PSPC1: variants seen among roughly 807,000 people sequenced by gnomAD.
The protein encoded by PSPC1 is paraspeckle protein 1.
A neutral mutation model predicts 51.6 loss-of-function variants in PSPC1; 14 were observed. The ratio of observed to expected loss-of-function variants is 0.27; its 90% CI spans 0.18 to 0.42. The LOEUF (loss-of-function observed/expected upper bound fraction) is 0.42, where lower values mean the gene tolerates loss of function less well. Ranked by LOEUF, PSPC1 falls within the 10% of genes least tolerant of loss-of-function variation. PSPC1 has a pLI of 1.00. For missense variants in PSPC1, 406 were observed against 701.1 expected (o/e 0.58, Z 4.75); for synonymous variants, 193 against 231.9 (o/e 0.83, Z 1.53).
intron 6 of PSPC1, among the ~76,000 whole-genome samples, chr13:19,687,551 G>C (rs191101275): frequency 6.6e-6 from 1 of 152,270 alleles, no homozygotes; most frequent in East Asian, 1.9e-4. Flanking sequence ...CCACTTTCTA[G>C]ATGGCACAGG....
downstream of PSPC1, among the ~76,000 whole-genome samples, chr13:19,673,889 C>T (rs1800687074): frequency 6.6e-6 from 1 of 152,214 alleles, no homozygotes; most frequent in African/African-American, 2.4e-5. Flanking sequence ...AGGCCCAGGG[C>T]AATGTTGTGT....
Position 19,759,424 on chromosome 13 carries a change from T to C in PSPC1, c.675-6A>G, listed in dbSNP as rs1566037586. The stretch of plus-strand genomic sequence containing the variant: ...CAATGACTGGACGAGGGGTCCTGGA[T>C]AGGTATAAAAGCATTCATAAAAATT... On this transcript the variant is annotated splice_polypyrimidine_tract_variant and splice_region_variant and intron_variant, in intron 2 of 8. Transcript: ENST00000338910. 1 of 1,609,350 alleles carries C rather than the reference T, an allele frequency of 6.2e-7. No homozygotes were observed. The highest frequency in any genetic ancestry group is 8.5e-7 in the Non-Finnish European group (1 of 1,175,956).
intron 1 of PSPC1, among the ~76,000 whole-genome samples, chr13:19,778,416 C>G (rs1889448489): frequency 8.3e-6 from 1 of 119,772 alleles, no homozygotes; most frequent in Non-Finnish European, 1.7e-5. Context: ...TCCCCACGGT[C>G]TCCCTCTCAT....
intron 6 of PSPC1, among the ~76,000 whole-genome samples, chr13:19,692,319 C>T (rs940006173): frequency 6.6e-6 from 1 of 152,176 alleles, no homozygotes; most frequent in African/African-American, 2.4e-5. Flanking sequence ...GTTTTGCCAT[C>T]TTGCCCAGGC....
intron 6 of PSPC1, among the ~76,000 whole-genome samples, chr13:19,714,717 A>ACTCCTGAG (rs1408143075): frequency 1.4e-4 from 21 of 151,230 alleles, no homozygotes; most frequent in African/African-American, 5.1e-4. Context: ...ATGGTCTTGA[A>ACTCCTGAG]CTCCTGAGCT....
At chr13:19,706,146 C>T (rs1309785871) in intron 7 of PSPC1, among the ~76,000 whole-genome samples, 1 of 152,072 alleles carries the variant, frequency 6.6e-6, no homozygotes, top group Non-Finnish European at 1.5e-5. Flanking sequence ...ACCAAAGAAT[C>T]CCTAACAATG....
chr13:19,687,897 A>G (rs532173635), intron 6 of PSPC1, among the ~76,000 whole-genome samples: 49 of 152,028 alleles, frequency 3.2e-4, no homozygotes, highest in Admixed American at 9.2e-4. Flanking sequence ...TTATCACAGA[A>G]TAAGATTTTA....
intron 6 of PSPC1, among the ~76,000 whole-genome samples, chr13:19,718,386 T>C (rs1593610304): frequency 2.0e-5 from 3 of 152,158 alleles, no homozygotes; most frequent in Non-Finnish European, 4.4e-5. Flanking sequence ...ATGCCATTGA[T>C]AGAATTGCAA....
At position 19,745,083 on chromosome 13, in the gene PSPC1, T is replaced by C. The variant is rs188392372; in HGVS notation, c.968-3434A>G. 4.6e-3 allele frequency among the ~76,000 whole-genome samples: 698 copies of C among 152,234 alleles called. 5 individuals carry two copies. The highest frequency in any genetic ancestry group is 0.027 in the South Asian group (129 of 4,824). On this transcript the variant is annotated intron_variant, in intron 4 of 8. Transcript: ENST00000338910. Reference sequence around the variant, plus strand: ...AAGTAATCCCAGCACTTTGGGAGGCTGAGGCGGGTGGATCACTTGAGGTCA... The same window carrying C: ...AAGTAATCCCAGCACTTTGGGAGGCCGAGGCGGGTGGATCACTTGAGGTCA...
chr13:19,708,415 C>A (rs1337633202), intron 7 of PSPC1, among the ~76,000 whole-genome samples: 1 of 152,170 alleles, frequency 6.6e-6, no homozygotes, highest in Non-Finnish European at 1.5e-5. Context: ...TGTGGGACAG[C>A]TTTTGTGGGA....
At chr13:19,694,122 CAAAAAAAAAAAAAAAA>C (rs71092389) in intron 6 of PSPC1, among the ~76,000 whole-genome samples, 1 of 47,466 alleles carries the variant, frequency 2.1e-5, no homozygotes, top group African/African-American at 8.6e-5. Context: ...GACTCCATCT[CAAAAAAAAAAAAAAAA>C]AAAAAAAAAA....
At chr13:19,762,555 G>A (rs970081584) in intron 2 of PSPC1, among the ~76,000 whole-genome samples, 4 of 105,034 alleles carry the variant, frequency 3.8e-5, no homozygotes, top group Admixed American at 1.1e-4. Context: ...ACGAGACTCC[G>A]TCTCAGAAAA....
rs2138422608 is a variant in PSPC1, at chr13:19,782,531, T to C, written c.227A>G (p.Lys76Arg). ...DIKSFLKPGE[K>R]TYTQRCRLFV... ...GAGGCGGCAGCGCTGCGTGTACGTC[T>C]TCTCGCCCGGCTTGAGGAAACTCTT... Residue 76 changes from lysine to arginine, a missense_variant, in exon 1 of 9, where the codon AAG (lysine) becomes AGG (arginine). This residue lies in a region of PSPC1 where 3 missense variants were observed against 19.1 expected (regional missense o/e 0.16). Transcript: ENST00000338910. This position sits in a 1 kb window ranked among gnomAD's most constrained non-coding sequence, Gnocchi z 4.5. 6.2e-7 allele frequency: 1 copy of C among 1,613,218 alleles called. No homozygotes were observed. The highest frequency in any genetic ancestry group is 1.1e-5 in the South Asian group (1 of 90,942).
chr13:19,730,961 A>AAAAAAC (rs1441202332), intron 5 of PSPC1, among the ~76,000 whole-genome samples: 1,635 of 23,448 alleles, frequency 0.07, 43 homozygotes, highest in Non-Finnish European at 0.17. Context: ...AAAAAACAAA[A>AAAAAAC]AAACAAAAAA....
At chr13:19,764,452 G>A (rs558966167) in intron 2 of PSPC1, among the ~76,000 whole-genome samples, 4 of 151,968 alleles carry the variant, frequency 2.6e-5, no homozygotes, top group African/African-American at 7.2e-5. Flanking sequence ...ATTTGTGACT[G>A]ATCTTTCCTC....
intron 6 of PSPC1, among the ~76,000 whole-genome samples, chr13:19,711,276 T>C (rs1388134030): frequency 6.6e-6 from 1 of 152,088 alleles, no homozygotes; most frequent in Non-Finnish European, 1.5e-5. Context: ...TCCCAACACT[T>C]TGGGAGGCTG....
chr13:19,755,288 A>G (rs917856018), intron 3 of PSPC1, among the ~76,000 whole-genome samples: 1 of 152,022 alleles, frequency 6.6e-6, no homozygotes, highest in Non-Finnish European at 1.5e-5. Flanking sequence ...TGCAAAGGAA[A>G]TAAGAATAGA....
downstream of PSPC1, chr13:19,671,707 A>T: frequency 1.3e-6 from 1 of 786,622 alleles, no homozygotes; most frequent in South Asian, 1.6e-5. Context: ...CTAACAATGT[A>T]AATTGATAAG....
downstream of PSPC1, chr13:19,672,027 G>A (rs1192369302): frequency 5.6e-6 from 4 of 718,178 alleles, no homozygotes; most frequent in African/African-American, 3.5e-5. Context: ...TGTAAGATGC[G>A]ACATAGCTGT....
Sources: allele counts gnomAD v4.1 joint callset (sites outside exome capture counted in the v4.1 genomes callset), GRCh38; gene constraint gnomAD v4.1.1; regional missense constraint gnomAD v4.1.1; non-coding constraint Gnocchi (gnomAD v3.1); transcripts MANE v1.5; gene names NCBI Gene and HGNC (gene_info 2026-07-23, HGNC 2026-07-21).